Variants in SCN8A observed in about 807,000 individuals in gnomAD.
SCN8A encodes the protein sodium channel protein type 8 subunit alpha.
SCN8A carries 30 observed loss-of-function variants against 184.1 expected under a neutral mutation model. That is an observed-to-expected ratio of 0.16 (90% CI 0.12 to 0.22). The LOEUF is 0.22. SCN8A is among the 10% of genes least tolerant of loss of function. The pLI, the probability that SCN8A is intolerant of heterozygous loss-of-function variation, is 1.00. For missense variants in SCN8A, 1,057 were observed against 2,498.9 expected (o/e 0.42, Z 12.30); for synonymous variants, 852 against 907.0 (o/e 0.94, Z 1.09).
intron 1 of SCN8A, among the ~76,000 whole-genome samples, chr12:51,639,917 T>TTTTTTTTTTTTG: frequency 8.4e-6 from 1 of 119,588 alleles, no homozygotes; most frequent in African/African-American, 3.4e-5. Flanking sequence ...TTTTTTTTTT[T>TTTTTTTTTTTTG]GAGATGGGGT....
intron 18 of SCN8A, 130 bp from the exon 19 acceptor site, chr12:51,770,399 T>G: frequency 9.5e-7 from 1 of 1,053,860 alleles, no homozygotes; most frequent in Non-Finnish European, 1.3e-6. Context: ...AATCAGACAT[T>G]CTGATTCAGC....
intron 12 of SCN8A, among the ~76,000 whole-genome samples, chr12:51,730,847 C>A (rs1942229223): frequency 1.3e-5 from 2 of 152,146 alleles, no homozygotes; most frequent in South Asian, 4.1e-4. Flanking sequence ...CCTCCATCTC[C>A]CCGCTACCCT....
intron 14 of SCN8A, among the ~76,000 whole-genome samples, chr12:51,758,990 G>GTGTA (rs1236176048): frequency 6.6e-6 from 1 of 151,458 alleles, no homozygotes; most frequent in Non-Finnish European, 1.5e-5. Flanking sequence ...GTATATGTGT[G>GTGTA]TGTGTGTGTG....
intron 13 of SCN8A, among the ~76,000 whole-genome samples, chr12:51,749,998 A>G (rs966888308): frequency 2.0e-4 from 30 of 152,180 alleles, no homozygotes; most frequent in African/African-American, 4.1e-4. Flanking sequence ...TGGCAGTTGT[A>G]TTTCATGCTT....
At chr12:51,719,749 TGAA>T (rs1240924607) in intron 11 of SCN8A, among the ~76,000 whole-genome samples, 2 of 148,940 alleles carry the variant, frequency 1.3e-5, no homozygotes, top group Non-Finnish European at 3.0e-5. Context: ...AGCATGAAAT[TGAA>T]GGAGAAGAAT....
At chr12:51,714,724 TGACA>T (rs1263602350) in intron 11 of SCN8A, among the ~76,000 whole-genome samples, 3 of 152,210 alleles carry the variant, frequency 2.0e-5, no homozygotes, top group Admixed American at 1.3e-4. Flanking sequence ...AGCCTCATCT[TGACA>T]GACAATTTAC....
chr12:51,763,105 A>G (rs1312875928), intron 15 of SCN8A, among the ~76,000 whole-genome samples: 1 of 152,190 alleles, frequency 6.6e-6, no homozygotes, highest in Non-Finnish European at 1.5e-5. Flanking sequence ...GACTTTCTTC[A>G]TTTCTTCTGT....
At chr12:51,783,808 C>T (rs780803265) in intron 21 of SCN8A, among the ~76,000 whole-genome samples, 1 of 152,132 alleles carries the variant, frequency 6.6e-6, no homozygotes, top group Non-Finnish European at 1.5e-5. Context: ...ATGTCCGAGA[C>T]ATTATAGAGA....
At chr12:51,728,881 T>C (rs932591191) in intron 12 of SCN8A, among the ~76,000 whole-genome samples, 5 of 152,170 alleles carry the variant, frequency 3.3e-5, no homozygotes, top group African/African-American at 1.2e-4. Context: ...GATGTCCCAC[T>C]TTTTATTACC....
intron 11 of SCN8A, among the ~76,000 whole-genome samples, chr12:51,714,183 A>C (rs893057736): frequency 2.6e-5 from 4 of 152,226 alleles, no homozygotes; most frequent in Non-Finnish European, 2.9e-5. Context: ...ATAACTGTGA[A>C]TGTTCCTCCT....
intron 2 of SCN8A, among the ~76,000 whole-genome samples, chr12:51,669,305 A>G (rs1941090811): frequency 6.6e-6 from 1 of 152,214 alleles, no homozygotes; most frequent in African/African-American, 2.4e-5. Context: ...GCTTTGCTTC[A>G]TGTTTGTACT....
intron 12 of SCN8A, chr12:51,722,216 T>C: frequency 2.0e-6 from 1 of 493,524 alleles, no homozygotes; most frequent in Non-Finnish European, 3.6e-6. Context: ...ATCAACTCCT[T>C]CCTTTATTTT....
At chr12:51,795,079 C>T (rs1938371941) in intron 26 of SCN8A, among the ~76,000 whole-genome samples, 2 of 152,116 alleles carry the variant, frequency 1.3e-5, no homozygotes, top group Admixed American at 1.3e-4. Flanking sequence ...CTGTTACTGG[C>T]AGGGCTTGTT....
Position 51,807,446 on chromosome 12 carries a change from A to C in SCN8A, c.*17A>C. 1 of 1,591,712 alleles carries C rather than the reference A, an allele frequency of 6.3e-7. No individual in the cohort carries two copies. Among genetic ancestry groups the C allele is most frequent in the Admixed American group, 1.8e-5 (1 of 56,358 alleles). ...AAGTGTTAGAGGAGAACAAAAATTC[A>C]GTATTATACAGATCTAAAACTCGCA... On this transcript the variant is annotated 3_prime_UTR_variant, in exon 27 of 27. Transcript: ENST00000627620. This position sits in a 1 kb window ranked among gnomAD's most constrained non-coding sequence, Gnocchi z 4.5.
At chr12:51,601,015 C>G (rs1425172532) in intron 1 of SCN8A, among the ~76,000 whole-genome samples, 2 of 152,150 alleles carry the variant, frequency 1.3e-5, no homozygotes, top group Non-Finnish European at 2.9e-5. Context: ...CCAAATTACC[C>G]TTACAGTAAT....
intron 1 of SCN8A, among the ~76,000 whole-genome samples, chr12:51,617,177 TC>T (rs2138588921): frequency 6.6e-6 from 1 of 152,298 alleles, no homozygotes; most frequent in East Asian, 1.9e-4. Flanking sequence ...AGCCATTGTT[TC>T]TTCAAATACT....
chr12:51,626,755 C>T (rs1439826897), intron 1 of SCN8A, among the ~76,000 whole-genome samples: 2 of 151,548 alleles, frequency 1.3e-5, no homozygotes, highest in Non-Finnish European at 2.9e-5. Flanking sequence ...CCCACCTCCA[C>T]TCTCCAATTG....
At chr12:51,795,436 A>G (rs1214714060) in intron 26 of SCN8A, among the ~76,000 whole-genome samples, 2 of 152,190 alleles carry the variant, frequency 1.3e-5, no homozygotes, top group Non-Finnish European at 2.9e-5. Flanking sequence ...GTTTCCAGGT[A>G]AGTTTGACTC....
At chr12:51,611,131 C>T (rs925200844) in intron 1 of SCN8A, among the ~76,000 whole-genome samples, 1 of 152,018 alleles carries the variant, frequency 6.6e-6, no homozygotes, top group East Asian at 1.9e-4. Context: ...TTCCTTTCAT[C>T]AGCATCTTAT....
Sources: gnomAD v4.1 joint callset for allele counts (sites outside exome capture counted in the v4.1 genomes callset) on GRCh38, gnomAD v4.1.1 for gene constraint, Gnocchi (gnomAD v3.1) non-coding constraint, MANE v1.5 for transcripts, NCBI Gene and HGNC (gene_info 2026-07-23, HGNC 2026-07-21) for gene names.